The following PRPF40B variants were observed in gnomAD, a reference collection of about 807,000 sequenced individuals.
PRPF40B encodes the protein pre-mRNA processing factor 40B.
In PRPF40B, 56 loss-of-function variants were observed where a neutral mutation model predicts 124.5. That is an observed-to-expected ratio of 0.45 (90% confidence interval 0.36 to 0.56). The LOEUF (loss-of-function observed/expected upper bound fraction) is 0.56, where lower values mean the gene tolerates loss of function less well. Ranked by LOEUF, PRPF40B falls within the 20% of genes least tolerant of loss-of-function variation. The pLI, the probability that PRPF40B is intolerant of heterozygous loss-of-function variation, is 0.00. For missense variants in PRPF40B, 1,053 were observed against 1,169.5 expected (o/e 0.90, Z 1.45); for synonymous variants, 443 against 426.4 (o/e 1.04, Z -0.48).
intron 12 of PRPF40B, 69 bp downstream of exon 12, chr12:49,634,671 C>T: frequency 6.3e-7 from 1 of 1,583,812 alleles, no homozygotes; most frequent in South Asian, 1.1e-5. Flanking sequence ...CCTAAAAAAC[C>T]CCAGCTCAAC....
chr12:49,644,326 C>G lies in PRPF40B; in HGVS notation c.*134C>G, dbSNP rs913177352. ...TAAAGTAACCCCACCCCCAGCACAC[C>G]ATTGTTGGCACCTCTCAAGGTTGCT... On this transcript the variant is annotated 3_prime_UTR_variant, in exon 26 of 26. Coordinates refer to ENST00000548825, the MANE Select transcript of PRPF40B (RefSeq NM_001031698.3). The G allele has an allele frequency of 1.0e-6, 1 of 980,872 alleles. No individual in the cohort carries two copies. Among genetic ancestry groups the G allele is most frequent in the Non-Finnish European group, 1.5e-6 (1 of 645,246 alleles). The allele number at this position is 980,872 out of a possible 1,614,324, so 60.8% of individuals were successfully genotyped here. A position where few individuals can be genotyped will look rare whatever the true frequency, so the allele number is the denominator to read the frequency against.
At chr12:49,633,746 G>A (rs1440558975) in intron 9 of PRPF40B, 85 bp downstream of exon 9, 2 of 1,607,824 alleles carry the variant, frequency 1.2e-6, no homozygotes, top group Non-Finnish European at 1.7e-6. Context: ...TCTACACTGT[G>A]GGAGGAAGAG....
At position 49,642,770 on chromosome 12, in the gene PRPF40B, G is replaced by A; in HGVS notation, c.2118+95G>A. The A allele has an allele frequency of 4.1e-6, 6 of 1,448,114 alleles. No homozygotes were observed. The highest frequency in any genetic ancestry group is 5.7e-6 in the Non-Finnish European group (6 of 1,052,990). The allele number at this position is 1,448,114 out of a possible 1,614,324, so 89.7% of individuals were successfully genotyped here. On this transcript the variant is annotated intron_variant, in intron 21 of 25. Coordinates refer to ENST00000548825, the MANE Select transcript of PRPF40B (RefSeq NM_001031698.3). This position sits in a 1 kb window ranked among gnomAD's most constrained non-coding sequence, Gnocchi z 5.8. ...CAGTGGCCTCCCTCTTACCCTTAGG[G>A]CACTCCTGGCCAGCTAAGGAAGGGG...
At chr12:49,636,919 T>C in intron 16 of PRPF40B, 70 bp downstream of exon 16, 2 of 1,602,334 alleles carry the variant, frequency 1.2e-6, no homozygotes. Context: ...ACCCATTCCC[T>C]GCCCCCTTCT....
At position 49,633,039 on chromosome 12, in the gene PRPF40B, C is replaced by T. The variant is rs1232955195; in HGVS notation, c.374C>T (p.Ala125Val). The change falls in exon 7 of 26, where the codon GCC becomes GTC. Residue 125 changes from alanine to valine, a missense_variant. Around this residue, in one of 2 missense-constraint regions of PRPF40B, gnomAD observed 895 missense variants for 1,052.2 expected, o/e 0.85. Transcript: ENST00000548825. ...PPRALWSEHV[A>V]PDGRIYYYNA... ...AGGGCCCTATGGAGTGAGCATGTGG[C>T]CCCAGATGGGCGCATCTACTACTAC... 2.2e-6 allele frequency: 3 copies of T among 1,367,646 alleles called. No homozygotes were observed. Among genetic ancestry groups the T allele is most frequent in the East Asian group, 4.1e-5 (1 of 24,596 alleles). The allele number at this position is 1,367,646 out of a possible 1,614,324, so 84.7% of individuals were successfully genotyped here.
chr12:49,627,033 A>G (rs1401751428), intron 1 of PRPF40B, among the ~76,000 whole-genome samples: 3 of 152,186 alleles, frequency 2.0e-5, no homozygotes, highest in Non-Finnish European at 4.4e-5. Flanking sequence ...TGCCAAGACC[A>G]TTTAGTCATT....
chr12:49,631,706 A>G lies in PRPF40B; in HGVS notation c.229-154A>G, dbSNP rs1421999111. Among the ~76,000 whole-genome samples, 1 of 152,228 alleles carries G rather than the reference A, an allele frequency of 6.6e-6. No homozygotes were observed. The highest frequency in any genetic ancestry group is 1.9e-4 in the East Asian group (1 of 5,198). On this transcript the variant is annotated intron_variant, in intron 3 of 25. Transcript: ENST00000548825. This position sits in a 1 kb window ranked among gnomAD's most constrained non-coding sequence, Gnocchi z 4.3. The stretch of plus-strand genomic sequence containing the variant: ...TGAATGACTGAGACAACTCTCAGGC[A>G]AGGTGAGAGGCCAGAATCTGGGGAT...
chr12:49,633,067 T>C lies in PRPF40B; in HGVS notation c.402T>C (p.Asn134=). Residue 134 remains asparagine, a synonymous_variant, in exon 7 of 26, where the codon AAT becomes AAC. Transcript: ENST00000548825. ...CAGATGGGCGCATCTACTACTACAA[T>C]GCTGACGACAAGCAGTCCGTGTGGG... ...VAPDGRIYYY[N]ADDKQSVWEK... 1 of 1,429,680 alleles carries C rather than the reference T, an allele frequency of 7.0e-7. No individual in the cohort carries two copies. The highest frequency in any genetic ancestry group is 9.3e-7 in the Non-Finnish European group (1 of 1,073,010). 88.6% of individuals were successfully genotyped at this position (1,429,680 alleles called of 1,614,324 possible).
At position 49,634,580 on chromosome 12, in the gene PRPF40B, G is replaced by C; in HGVS notation, c.979G>C (p.Val327Leu). The C allele has an allele frequency of 6.2e-7, 1 of 1,614,176 alleles. No homozygotes were observed. Among genetic ancestry groups the C allele is most frequent in the Non-Finnish European group, 8.5e-7 (1 of 1,180,012 alleles). ...NASWEQAMKM[V>L]VTDPRYSALP... ...CTCATGGGAACAGGCCATGAAGATGGTGGTCACCGACCCCCGTTACAGGTA... is the reference window on the plus strand; with the variant it reads ...CTCATGGGAACAGGCCATGAAGATGCTGGTCACCGACCCCCGTTACAGGTA... Residue 327 changes from valine (V) to leucine (L), a missense_variant, in exon 12 of 26, where the codon GTG (valine) becomes CTG (leucine). Physicochemically the swap from Val to Leu is conservative, Grantham distance 32. Around this residue, in one of 2 missense-constraint regions of PRPF40B, gnomAD observed 895 missense variants for 1,052.2 expected, o/e 0.85. Transcript: ENST00000548825.
intron 16 of PRPF40B, 147 bp from the exon 17 acceptor site, chr12:49,637,323 G>C (rs1230428088): frequency 6.4e-6 from 4 of 621,614 alleles, no homozygotes; most frequent in Non-Finnish European, 1.2e-5. Flanking sequence ...CCTTCCATCT[G>C]CATCTCTTCA....
Position 49,631,300 on chromosome 12 carries a change from G to T in PRPF40B, c.85-101G>T. 1.2e-6 allele frequency: 1 copy of T among 842,978 alleles called. No homozygotes were observed. The highest frequency in any genetic ancestry group is 1.8e-6 in the Non-Finnish European group (1 of 554,194). 52.2% of individuals were successfully genotyped at this position (842,978 alleles called of 1,614,324 possible). ...GGAATTGCCTCAGAGCAGGGTGGAG[G>T]GTTGGGGAGGGAGGTGGTGGATATT... On this transcript the variant is annotated intron_variant, in intron 2 of 25. Coordinates refer to ENST00000548825, the MANE Select transcript of PRPF40B (RefSeq NM_001031698.3). This position sits in a 1 kb window ranked among gnomAD's most constrained non-coding sequence, Gnocchi z 4.3.
intron 4 of PRPF40B, 28 bp from the exon 5 acceptor site, chr12:49,632,568 A>G (rs1661087865): frequency 6.2e-6 from 10 of 1,612,310 alleles, no homozygotes; most frequent in South Asian, 1.1e-5. Context: ...CTTGGCCCCA[A>G]CCCTTCCCCC....
Position 49,644,275 on chromosome 12 carries a change from T to G in PRPF40B, c.*83T>G. The G allele has an allele frequency of 6.8e-7, 1 of 1,474,466 alleles. No individual in the cohort carries two copies. The allele number at this position is 1,474,466 out of a possible 1,614,324, so 91.3% of individuals were successfully genotyped here. ...TCACCGTCTGCCTCAGACTTCTTCC[T>G]TAGTCTGGTCTGTGTCCACTTTTTC... On this transcript the variant is annotated 3_prime_UTR_variant, in exon 26 of 26. Coordinates refer to ENST00000548825, the MANE Select transcript of PRPF40B (RefSeq NM_001031698.3).
In PRPF40B at chr12:49,630,588, C is replaced by CGGTGGGAAGGGGG; in HGVS notation, c.47_48insGGTGGGAAGGGGG (p.Phe17ValfsTer110). 7.0e-7 allele frequency: 1 copy of CGGTGGGAAGGGGG among 1,423,140 alleles called. No individual in the cohort carries two copies. The highest frequency in any genetic ancestry group is 9.9e-7 in the Non-Finnish European group (1 of 1,009,496). The allele number at this position is 1,423,140 out of a possible 1,614,324, so 88.2% of individuals were successfully genotyped here. A position where few individuals can be genotyped will look rare whatever the true frequency, so the allele number is the denominator to read the frequency against. ...CCCCGGCCCCCAGCAGCGCCTGCCC[C>CGGTGGGAAGGGGG]CTTCCCACCGGGGCCCCCCATGATG... is the stretch of plus-strand genomic sequence containing the variant. On this transcript the variant is annotated frameshift_variant, in exon 2 of 26. Transcript: ENST00000548825. LOFTEE classifies it high-confidence loss of function.
In PRPF40B at chr12:49,642,686, C is replaced by T. The variant is rs896161429; in HGVS notation, c.2118+11C>T. 1 of 1,612,410 alleles carries T rather than the reference C, an allele frequency of 6.2e-7. No homozygotes were observed. Among genetic ancestry groups the T allele is most frequent in the Non-Finnish European group, 8.5e-7 (1 of 1,179,122 alleles). ...CTACAGGTGCTGGAGGTGAGGCAGG[C>T]TTGTCCTCTGGATCTGCCTCAGGCC... On this transcript the variant is annotated intron_variant, in intron 21 of 25. Coordinates refer to ENST00000548825, the MANE Select transcript of PRPF40B (RefSeq NM_001031698.3). The surrounding 1 kb of genome is among the most constrained non-coding windows in gnomAD (Gnocchi z 5.8).
At position 49,642,289 on chromosome 12, in the gene PRPF40B, A is replaced by G. The variant is rs1942784012; in HGVS notation, c.1939A>G (p.Arg647Gly). 1 of 1,614,214 alleles carries G rather than the reference A, an allele frequency of 6.2e-7. No homozygotes were observed. Residue 647 changes from arginine (R) to glycine (G), a missense_variant, in exon 20 of 26, where the codon AGG becomes GGG. By Grantham distance (125) the Arg-to-Gly change is moderately radical (BLOSUM62 -2). This residue lies in a region of PRPF40B where 895 missense variants were observed against 1,052.2 expected (regional missense o/e 0.85). Transcript: ENST00000548825. The surrounding 1 kb of genome is among the most constrained non-coding windows in gnomAD (Gnocchi z 5.8). ...EREREKEEAR[R>G]MRRREAAFRS... Reference sequence around the variant, plus strand: ...GGAGCGGGAGAAGGAGGAGGCACGCAGGATGCGGCGCAGGGAAGCTGCCTT... The same window carrying G: ...GGAGCGGGAGAAGGAGGAGGCACGCGGGATGCGGCGCAGGGAAGCTGCCTT...
At position 49,635,571 on chromosome 12, in the gene PRPF40B, C is replaced by A; in HGVS notation, c.1275+98C>A. The A allele has an allele frequency of 1.7e-6, 2 of 1,188,944 alleles. No homozygotes were observed. Among genetic ancestry groups the A allele is most frequent in the East Asian group, 2.4e-5 (1 of 41,940 alleles). The allele number at this position is 1,188,944 out of a possible 1,614,324, so 73.6% of individuals were successfully genotyped here. On this transcript the variant is annotated intron_variant, in intron 14 of 25. Coordinates refer to ENST00000548825, the MANE Select transcript of PRPF40B (RefSeq NM_001031698.3). The surrounding 1 kb of genome is among the most constrained non-coding windows in gnomAD (Gnocchi z 4.1). ...CCTCGCCATTTACTTCTCTACTTCC[C>A]CAGTGTCCCAGCTTCTGACTTGGAA...
At chr12:49,622,847 C>A (rs1326368388), upstream of PRPF40B, 1 of 152,266 alleles carries the variant, frequency 6.6e-6, no homozygotes, top group Admixed American at 6.5e-5. Context: ...AGCCCCAAGG[C>A]CTTCAGCGCA....
intron 18 of PRPF40B, chr12:49,641,473 A>G (rs1942639386): frequency 6.0e-6 from 1 of 167,242 alleles, no homozygotes. Flanking sequence ...ATTAAATGAG[A>G]TAATGTGTGA....
Sources: allele counts gnomAD v4.1 joint callset (sites outside exome capture counted in the v4.1 genomes callset), GRCh38; gene constraint gnomAD v4.1.1; regional missense constraint gnomAD v4.1.1; non-coding constraint Gnocchi (gnomAD v3.1); transcripts MANE v1.5; gene names NCBI Gene and HGNC (gene_info 2026-07-23, HGNC 2026-07-21).